Variants in ANPEP observed in about 807,000 individuals in gnomAD.
ANPEP encodes aminopeptidase N.
ANPEP carries 70 observed loss-of-function variants against 114.6 expected under a neutral mutation model. The observed-to-expected ratio is 0.61, with a 90% CI of 0.50 to 0.75. The LOEUF (loss-of-function observed/expected upper bound fraction) is 0.75, where lower values mean the gene tolerates loss of function less well. Ranked by LOEUF, ANPEP falls within the 30% of genes least tolerant of loss-of-function variation. The pLI is 0.00. For synonymous variants in ANPEP, 548 were observed against 522.3 expected (o/e 1.05, Z -0.67); for missense variants, 1,184 against 1,259.5 (o/e 0.94, Z 0.91).
Position 89,803,211 on chromosome 15 carries a change from G to A in ANPEP, c.1569+28C>T, listed in dbSNP as rs761635888. 6.8e-6 allele frequency: 11 copies of A among 1,608,188 alleles called. No individual in the cohort carries two copies. Among genetic ancestry groups the A allele is most frequent in the South Asian group, 1.1e-5 (1 of 90,956 alleles). On this transcript the variant is annotated intron_variant, in intron 10 of 20. Coordinates refer to ENST00000300060, the MANE Select transcript of ANPEP (RefSeq NM_001150.3). The surrounding 1 kb of genome is among the most constrained non-coding windows in gnomAD (Gnocchi z 4.2). ...CAGCATCTCAAGACCCCAACAGGAT[G>A]GCTGTGGAGGGGCTGGCTGCTACTG... is the stretch of plus-strand genomic sequence containing the variant.
intron 15 of ANPEP, among the ~76,000 whole-genome samples, chr15:89,793,960 G>C (rs1425184083): frequency 6.6e-6 from 1 of 152,094 alleles, no homozygotes. Context: ...GTTTGACATG[G>C]CAGGTTGATT....
At chr15:89,797,545 G>T in intron 15 of ANPEP, 30 bp downstream of exon 15, 6 of 1,597,166 alleles carry the variant, frequency 3.8e-6, no homozygotes, top group African/African-American at 1.3e-5. Flanking sequence ...GGGCGAACTG[G>T]TTCTTGAACC....
rs1458530986 is a variant in ANPEP, at chr15:89,799,874, C to T, written c.1820-315G>A. On this transcript the variant is annotated intron_variant, in intron 12 of 20. Coordinates refer to ENST00000300060, the MANE Select transcript of ANPEP (RefSeq NM_001150.3). The surrounding 1 kb of genome is among the most constrained non-coding windows in gnomAD (Gnocchi z 4.2). ...TGTTCCTCCTCCTTGCCCTCCTCCA[C>T]ACTCCATCACACCTGTCACCCAAGT... Among the ~76,000 whole-genome samples the T allele has an allele frequency of 6.6e-6, 1 of 152,198 alleles. No homozygotes were observed. The highest frequency in any genetic ancestry group is 1.5e-5 in the Non-Finnish European group (1 of 68,038).
rs1894724089 is a variant in ANPEP, at chr15:89,806,733, G to T, written c.-150C>A. The T allele has an allele frequency of 1.5e-5, 19 of 1,282,286 alleles. No individual in the cohort carries two copies. In the South Asian group the frequency reaches 2.5e-4, roughly 17 times the overall value. 79.4% of individuals were successfully genotyped at this position (1,282,286 alleles called of 1,614,324 possible). A position where few individuals can be genotyped will look rare whatever the true frequency, so the allele number is the denominator to read the frequency against. On this transcript the variant is annotated 5_prime_UTR_variant, in exon 2 of 21. Transcript: ENST00000300060. The surrounding 1 kb of genome is among the most constrained non-coding windows in gnomAD (Gnocchi z 5.7). Reference sequence around the variant, plus strand: ...GGGCTCCAACAGGCGAAGGTCACTGGACTGGGCAGGGGCACGCTCCGCCTG... The same window carrying T: ...GGGCTCCAACAGGCGAAGGTCACTGTACTGGGCAGGGGCACGCTCCGCCTG...
intron 15 of ANPEP, 151 bp downstream of exon 15, chr15:89,797,424 A>G: frequency 6.8e-6 from 8 of 1,185,000 alleles, no homozygotes; most frequent in Non-Finnish European, 9.4e-6. Context: ...GAACCTGACA[A>G]GGCAATCTTT....
In ANPEP at chr15:89,799,662, C is replaced by T. The variant is rs1289267512; in HGVS notation, c.1820-103G>A. 8 of 1,531,456 alleles carry T rather than the reference C, an allele frequency of 5.2e-6. No homozygotes were observed. Among genetic ancestry groups the T allele is most frequent in the Non-Finnish European group, 7.1e-6 (8 of 1,122,438 alleles). The allele number at this position is 1,531,456 out of a possible 1,614,324, so 94.9% of individuals were successfully genotyped here. On this transcript the variant is annotated intron_variant, in intron 12 of 20. Coordinates refer to ENST00000300060, the MANE Select transcript of ANPEP (RefSeq NM_001150.3). This position sits in a 1 kb window ranked among gnomAD's most constrained non-coding sequence, Gnocchi z 4.2. ...GCCCCCGCAGCCTGGCACCACCTCACCCTCAAGCTGCTGGGGAGACGCTAA... is the reference window on the plus strand; with the variant it reads ...GCCCCCGCAGCCTGGCACCACCTCATCCTCAAGCTGCTGGGGAGACGCTAA...
chr15:89,807,809 C>G (rs1345570268), intron 1 of ANPEP, among the ~76,000 whole-genome samples: 1 of 152,196 alleles, frequency 6.6e-6, no homozygotes, highest in Non-Finnish European at 1.5e-5. Flanking sequence ...AAAATACACA[C>G]CTTACAGGAA....
chr15:89,804,456 A>G (rs200019829), intron 5 of ANPEP, 35 bp downstream of exon 5: 219 of 1,613,970 alleles, frequency 1.4e-4, no homozygotes, highest in Non-Finnish European at 1.7e-4. Flanking sequence ...GTGGAGCTCC[A>G]TCCACTGCCT....
In ANPEP at chr15:89,803,395, G is replaced by A; in HGVS notation, c.1503+47C>T. ...CAGAGGCCCGGGTCAAGGGCGAGGG[G>A]CAGAAGGAGACCCACCCTCATGGCT... On this transcript the variant is annotated intron_variant, in intron 9 of 20. Coordinates refer to ENST00000300060, the MANE Select transcript of ANPEP (RefSeq NM_001150.3). This position sits in a 1 kb window ranked among gnomAD's most constrained non-coding sequence, Gnocchi z 4.2. 1 of 1,612,732 alleles carries A rather than the reference G, an allele frequency of 6.2e-7. No homozygotes were observed. Among genetic ancestry groups the A allele is most frequent in the South Asian group, 1.1e-5 (1 of 90,998 alleles).
intron 4 of ANPEP, 155 bp downstream of exon 4, chr15:89,804,923 G>A (rs1442326149): frequency 8.1e-6 from 9 of 1,115,004 alleles, no homozygotes; most frequent in Non-Finnish European, 1.2e-5. Context: ...CAGAAATGGA[G>A]AACCAGAGAA....
chr15:89,798,522 A>T (rs1244735631), intron 14 of ANPEP, among the ~76,000 whole-genome samples: 2 of 151,724 alleles, frequency 1.3e-5, no homozygotes, highest in Non-Finnish European at 2.9e-5. Context: ...CTGTAATCCT[A>T]GCTACTCAGG....
At chr15:89,795,856 A>G (rs1399404419) in intron 15 of ANPEP, among the ~76,000 whole-genome samples, 3 of 152,246 alleles carry the variant, frequency 2.0e-5, no homozygotes, top group Non-Finnish European at 4.4e-5. Context: ...AGGCACCTCC[A>G]AGCATGGGAG....
intron 1 of ANPEP, among the ~76,000 whole-genome samples, chr15:89,810,709 T>C (rs560634682): frequency 6.6e-6 from 1 of 152,098 alleles, no homozygotes; most frequent in African/African-American, 2.4e-5. Context: ...AGGAGCCCAA[T>C]ACATGTTGGC....
At position 89,799,157 on chromosome 15, in the gene ANPEP, G is replaced by A. The variant is rs542665171; in HGVS notation, c.2009+103C>T. The A allele has an allele frequency of 3.0e-4, 399 of 1,340,152 alleles. 1 individual carries two copies. In the African/African-American group the frequency reaches 4.7e-3, roughly 16 times the overall value. The allele number at this position is 1,340,152 out of a possible 1,614,324, so 83.0% of individuals were successfully genotyped here. ...CACAGGAGCTCAGGGCACAGCACGTGGCATATGGGAAGGGCAGCAGGAGGA... is the reference window on the plus strand; with the variant it reads ...CACAGGAGCTCAGGGCACAGCACGTAGCATATGGGAAGGGCAGCAGGAGGA... On this transcript the variant is annotated intron_variant, in intron 14 of 20. Coordinates refer to ENST00000300060, the MANE Select transcript of ANPEP (RefSeq NM_001150.3). This position sits in a 1 kb window ranked among gnomAD's most constrained non-coding sequence, Gnocchi z 4.2.
At chr15:89,790,082 AAAT>A (rs1415432080) in intron 20 of ANPEP, among the ~76,000 whole-genome samples, 1,081 of 84,432 alleles carry the variant, frequency 0.013, 75 homozygotes, top group African/African-American at 0.034. Flanking sequence ...AAAATAAAAA[AAAT>A]AAAAGAATGC....
intron 12 of ANPEP, among the ~76,000 whole-genome samples, chr15:89,800,908 T>C (rs1474575562): frequency 6.6e-6 from 1 of 152,186 alleles, no homozygotes; most frequent in Admixed American, 6.5e-5. Flanking sequence ...CTTAGCCTCA[T>C]TTTATAGAAG....
chr15:89,806,585 G>A lies in ANPEP; in HGVS notation c.-2C>T, dbSNP rs774181087. On this transcript the variant is annotated 5_prime_UTR_variant, in exon 2 of 21. Transcript: ENST00000300060. This position sits in a 1 kb window ranked among gnomAD's most constrained non-coding sequence, Gnocchi z 5.7. ...GGAAATATAGAAGCCCTTGGCCATGGTGATGGTGGGGAGGCGGCTCAGGGA... is the reference window on the plus strand; with the variant it reads ...GGAAATATAGAAGCCCTTGGCCATGATGATGGTGGGGAGGCGGCTCAGGGA... 3 of 1,589,374 alleles carry A rather than the reference G, an allele frequency of 1.9e-6. No individual in the cohort carries two copies. The Admixed American group carries it at 5.3e-5, about 28-fold the overall frequency.
chr15:89,810,451 G>A lies in ANPEP; in HGVS notation c.-223-3645C>T, dbSNP rs111859927. Reference sequence around the variant, plus strand: ...CTGGACGTGGTGGCGCACGCCTGTAGTCCCAGCTACTTGGGGGGCTGAGGC... The same window carrying A: ...CTGGACGTGGTGGCGCACGCCTGTAATCCCAGCTACTTGGGGGGCTGAGGC... On this transcript the variant is annotated intron_variant, in intron 1 of 20. Coordinates refer to ENST00000300060, the MANE Select transcript of ANPEP (RefSeq NM_001150.3). Among the ~76,000 whole-genome samples, 203 of 152,148 alleles carry A rather than the reference G, an allele frequency of 1.3e-3. 1 individual carries two copies. Among genetic ancestry groups the A allele is most frequent in the African/African-American group, 4.5e-3 (188 of 41,506 alleles).
At chr15:89,791,597 C>CTTTTTTTTTT (rs367563839) in intron 18 of ANPEP, among the ~76,000 whole-genome samples, 3 of 121,136 alleles carry the variant, frequency 2.5e-5, no homozygotes, top group African/African-American at 7.4e-5. Flanking sequence ...GCCACCATGC[C>CTTTTTTTTTT]TATTTTTTTT....
Sources: gnomAD v4.1 joint callset for allele counts (sites outside exome capture counted in the v4.1 genomes callset) on GRCh38, gnomAD v4.1.1 for gene constraint, Gnocchi (gnomAD v3.1) non-coding constraint, MANE v1.5 for transcripts, NCBI Gene and HGNC (gene_info 2026-07-23, HGNC 2026-07-21) for gene names.